The following CYSTM1 variants were observed in gnomAD, a reference collection of about 807,000 sequenced individuals.
The protein encoded by CYSTM1 is cysteine-rich transmembrane module-containing protein 1.
Under a neutral mutation model 13.1 loss-of-function variants are expected in CYSTM1, and 4 were observed. The ratio of observed to expected loss-of-function variants is 0.31; its 90% CI spans 0.15 to 0.70. CYSTM1 has a LOEUF of 0.70. Ranked by LOEUF, CYSTM1 falls within the 30% of genes least tolerant of loss-of-function variation. The pLI, the probability that CYSTM1 is intolerant of heterozygous loss-of-function variation, is 0.72. For synonymous variants in CYSTM1, 36 were observed against 42.7 expected (o/e 0.84, Z 0.62); for missense variants, 96 against 121.6 (o/e 0.79, Z 0.99).
intron 2 of CYSTM1, among the ~76,000 whole-genome samples, chr5:140,233,016 A>G (rs932268906): frequency 2.6e-5 from 4 of 152,212 alleles, no homozygotes; most frequent in African/African-American, 9.6e-5. Context: ...GCAACAGTCT[A>G]GATCTTTCAT....
In CYSTM1 at chr5:140,177,068, C is replaced by CAAAAAAAAAAAAAA. The variant is rs1161281232; in HGVS notation, c.-21+1789_-21+1802dup. On this transcript the variant is annotated intron_variant, in intron 1 of 2. Coordinates refer to ENST00000261811, the MANE Select transcript of CYSTM1 (RefSeq NM_032412.4). Reference sequence around the variant, plus strand: ...TGGGCGACAGAGCGAGACTCTGTCTCAAAAAAAAAAAAAAAAAAATCTCTA... The same window carrying CAAAAAAAAAAAAAA: ...TGGGCGACAGAGCGAGACTCTGTCTCAAAAAAAAAAAAAAAAAAAAAAAAAAAAAAAAATCTCTA... Among the ~76,000 whole-genome samples, 118 of 87,924 alleles carry CAAAAAAAAAAAAAA rather than the reference C, an allele frequency of 1.3e-3. 8 individuals are homozygous for CAAAAAAAAAAAAAA. The highest frequency in any genetic ancestry group is 2.0e-3 in the Non-Finnish European group (92 of 45,788). The allele number at this position is 87,924 out of a possible 152,430, so 57.7% of individuals were successfully genotyped here. A position where few individuals can be genotyped will look rare whatever the true frequency, so the allele number is the denominator to read the frequency against.
intron 2 of CYSTM1, chr5:140,201,046 A>G (rs1381428217): frequency 6.6e-6 from 1 of 152,204 alleles, no homozygotes; most frequent in East Asian, 1.9e-4. Context: ...ATAATATTCC[A>G]TTGTGGATAT....
chr5:140,203,956 A>T (rs1229081489), intron 2 of CYSTM1, among the ~76,000 whole-genome samples: 14 of 152,216 alleles, frequency 9.2e-5, no homozygotes, highest in African/African-American at 3.4e-4. Flanking sequence ...AATTGTTAGG[A>T]GTAAGACGAA....
intron 2 of CYSTM1, among the ~76,000 whole-genome samples, chr5:140,229,506 A>G (rs1764596335): frequency 6.6e-6 from 1 of 151,898 alleles, no homozygotes; most frequent in South Asian, 2.1e-4. Context: ...TAATCTTTTT[A>G]TGGTGTATTT....
chr5:140,177,937 T>C (rs1763911981), intron 1 of CYSTM1, among the ~76,000 whole-genome samples: 1 of 152,218 alleles, frequency 6.6e-6, no homozygotes, highest in Non-Finnish European at 1.5e-5. Context: ...AACTATGTGC[T>C]GTCAGGGCAG....
At chr5:140,213,903 C>T (rs1764399594) in intron 2 of CYSTM1, among the ~76,000 whole-genome samples, 1 of 152,200 alleles carries the variant, frequency 6.6e-6, no homozygotes, top group Non-Finnish European at 1.5e-5. Flanking sequence ...TTGAGAGATG[C>T]ATGACTGTAT....
In CYSTM1 at chr5:140,239,334, C is replaced by T. The variant is rs1764721022; in HGVS notation, c.188-3971C>T. Among the ~76,000 whole-genome samples the T allele has an allele frequency of 6.6e-6, 1 of 152,118 alleles. No homozygotes were observed. Among genetic ancestry groups the T allele is most frequent in the South Asian group, 2.1e-4 (1 of 4,822 alleles). On this transcript the variant is annotated intron_variant, in intron 2 of 2. Transcript: ENST00000261811. The surrounding 1 kb of genome is among the most constrained non-coding windows in gnomAD (Gnocchi z 5.4). Reference sequence around the variant, plus strand: ...TGGAGCCCCACTTGCCCATTGCCTACCCAGAACCAGGTTTCTGAGTAGCCC... The same window carrying T: ...TGGAGCCCCACTTGCCCATTGCCTATCCAGAACCAGGTTTCTGAGTAGCCC...
At chr5:140,176,592 C>T (rs1189309699) in intron 1 of CYSTM1, among the ~76,000 whole-genome samples, 1 of 152,192 alleles carries the variant, frequency 6.6e-6, no homozygotes, top group East Asian at 1.9e-4. Context: ...ACACTTTGCC[C>T]TTCAGAGGTT....
intron 1 of CYSTM1, among the ~76,000 whole-genome samples, chr5:140,178,060 A>C (rs1184317543): frequency 6.6e-6 from 1 of 152,188 alleles, no homozygotes; most frequent in East Asian, 1.9e-4. Context: ...AAAAAATGTT[A>C]GTGTGTTTCC....
At chr5:140,214,185 G>T (rs1764402508) in intron 2 of CYSTM1, among the ~76,000 whole-genome samples, 1 of 152,290 alleles carries the variant, frequency 6.6e-6, no homozygotes, top group South Asian at 2.1e-4. Context: ...TTCAATGATG[G>T]TCTCCCTAAT....
chr5:140,197,439 G>C lies in CYSTM1; in HGVS notation c.187+2787G>C, dbSNP rs545214149. On this transcript the variant is annotated intron_variant, in intron 2 of 2. Transcript: ENST00000261811. Reference sequence around the variant, plus strand: ...GATATACCCAGGAATTTATTTCTCTGTCATTAGCTTGTGAATTATTAACTG... The same window carrying C: ...GATATACCCAGGAATTTATTTCTCTCTCATTAGCTTGTGAATTATTAACTG... 5.9e-5 allele frequency among the ~76,000 whole-genome samples: 9 copies of C among 152,266 alleles called. No individual in the cohort carries two copies. In the East Asian group the frequency reaches 1.7e-3, roughly 29 times the overall value.
intron 2 of CYSTM1, chr5:140,201,637 A>G (rs1561811683): frequency 6.6e-6 from 1 of 152,360 alleles, no homozygotes; most frequent in African/African-American, 2.4e-5. Flanking sequence ...TCCAGATTCA[A>G]TAGTGTCTAC....
chr5:140,179,512 AT>A (rs1475823829), intron 1 of CYSTM1, among the ~76,000 whole-genome samples: 1 of 151,726 alleles, frequency 6.6e-6, no homozygotes, highest in Admixed American at 6.6e-5. Context: ...ATGAGCCAAG[AT>A]TGTGCCACTG....
intron 2 of CYSTM1, chr5:140,200,557 C>CTTTTTTTTTTTTTTTTT (rs57173526): frequency 3.6e-4 from 28 of 78,714 alleles, no homozygotes; most frequent in African/African-American, 1.4e-3. Context: ...TCCCCCCGGC[C>CTTTTTTTTTTTTTTTTT]TTTTTTTTTT....
chr5:140,195,639 G>A (rs1379757427), intron 2 of CYSTM1, among the ~76,000 whole-genome samples: 2 of 151,168 alleles, frequency 1.3e-5, no homozygotes, highest in Non-Finnish European at 3.0e-5. Flanking sequence ...GACTGTGTTA[G>A]CCAGGATGGT....
chr5:140,200,034 A>G (rs972199807), intron 2 of CYSTM1: 2 of 151,994 alleles, frequency 1.3e-5, no homozygotes, highest in Non-Finnish European at 2.9e-5. Flanking sequence ...TGTCAGATGG[A>G]TAGATTGCAA....
intron 1 of CYSTM1, among the ~76,000 whole-genome samples, chr5:140,181,303 T>G (rs1763959939): frequency 6.6e-6 from 1 of 152,140 alleles, no homozygotes; most frequent in Non-Finnish European, 1.5e-5. Flanking sequence ...ACTCCAGACT[T>G]TGCCCTTCTG....
At chr5:140,208,895 C>T (rs1764329722) in intron 2 of CYSTM1, among the ~76,000 whole-genome samples, 1 of 151,776 alleles carries the variant, frequency 6.6e-6, no homozygotes, top group South Asian at 2.1e-4. Flanking sequence ...AAAAATTAGC[C>T]AGGTGTGGTG....
chr5:140,193,086 A>G (rs868831376), intron 1 of CYSTM1, among the ~76,000 whole-genome samples: 2 of 152,240 alleles, frequency 1.3e-5, no homozygotes, highest in Non-Finnish European at 2.9e-5. Flanking sequence ...AAGAATTAAT[A>G]GTGAAATTAT....
Sources: gnomAD v4.1 joint callset for allele counts (sites outside exome capture counted in the v4.1 genomes callset) on GRCh38, gnomAD v4.1.1 for gene constraint, Gnocchi (gnomAD v3.1) non-coding constraint, MANE v1.5 for transcripts, NCBI Gene and HGNC (gene_info 2026-07-23, HGNC 2026-07-21) for gene names.